Variants in LUC7L3 observed in about 807,000 individuals in gnomAD.
LUC7L3 encodes the protein LUC7 like 3 pre-mRNA splicing factor, also known as luc7-like protein 3.
LUC7L3 carries 6 observed loss-of-function variants against 66.8 expected under a neutral mutation model. The observed-to-expected ratio is 0.09, with a 90% CI of 0.05 to 0.18. The LOEUF (loss-of-function observed/expected upper bound fraction) is 0.18. Among genes scored for constraint, LUC7L3 ranks in the 10% least tolerant of loss-of-function variants. The pLI is 1.00. For missense variants in LUC7L3, 341 were observed against 531.1 expected (o/e 0.64, Z 3.52); for synonymous variants, 160 against 174.7 (o/e 0.92, Z 0.66).
intron 1 of LUC7L3, among the ~76,000 whole-genome samples, chr17:50,728,116 CAAAAAAA>C (rs34210400): frequency 7.8e-6 from 1 of 128,534 alleles, no homozygotes; most frequent in African/African-American, 2.9e-5. Flanking sequence ...AGATCTGTCT[CAAAAAAA>C]AAAAAAAAAA....
Position 50,753,585 on chromosome 17 carries a change from G to T in LUC7L3, c.*2924G>T, listed in dbSNP as rs1971055618. ...AGCAATAGATGAATGGGTTATCTCTGAATTTGTAAGAGATAATTCACATGA... is the reference window on the plus strand; with the variant it reads ...AGCAATAGATGAATGGGTTATCTCTTAATTTGTAAGAGATAATTCACATGA... On this transcript the variant is annotated 3_prime_UTR_variant, in exon 10 of 10. Coordinates refer to ENST00000505658, the MANE Select transcript of LUC7L3 (RefSeq NM_016424.5). The T allele has an allele frequency of 6.6e-6, 1 of 152,152 alleles. No homozygotes were observed. Among genetic ancestry groups the T allele is most frequent in the Admixed American group, 6.6e-5 (1 of 15,266 alleles). The allele number at this position is 152,152 out of a possible 1,614,324, so 9.4% of individuals were successfully genotyped here. A position where few individuals can be genotyped will look rare whatever the true frequency, so the allele number is the denominator to read the frequency against.
chr17:50,743,663 T>C, intron 5 of LUC7L3, 43 bp from the exon 6 acceptor site: 2 of 1,274,102 alleles, frequency 1.6e-6, no homozygotes, highest in Non-Finnish European at 2.3e-6. Flanking sequence ...AATAGTTGGG[T>C]TTGAAAGAAA....
intron 5 of LUC7L3, 81 bp from the exon 6 acceptor site, chr17:50,743,625 C>T: frequency 1.2e-6 from 1 of 818,812 alleles, no homozygotes; most frequent in Non-Finnish European, 2.0e-6. Context: ...TGGAAAACAA[C>T]CACTAATGAA....
intron 1 of LUC7L3, among the ~76,000 whole-genome samples, chr17:50,732,890 C>T (rs1233402240): frequency 2.0e-5 from 3 of 152,100 alleles, no homozygotes; most frequent in Middle Eastern, 3.2e-3. Flanking sequence ...GCATGAGCCC[C>T]GCCAGGTACC....
chr17:50,745,674 T>C, intron 7 of LUC7L3, 46 bp from the exon 8 acceptor site: 1 of 1,481,954 alleles, frequency 6.7e-7, no homozygotes, highest in Non-Finnish European at 9.1e-7. Flanking sequence ...TGTTTAACAA[T>C]GCTTTAAAGT....
chr17:50,740,372 C>A, intron 3 of LUC7L3, 27 bp downstream of exon 3: 2 of 1,586,954 alleles, frequency 1.3e-6, no homozygotes, highest in East Asian at 4.5e-5. Flanking sequence ...GTCATTTCCA[C>A]CCCCCCAGTT....
intron 6 of LUC7L3, 113 bp downstream of exon 6, chr17:50,743,923 T>G: frequency 1.3e-6 from 1 of 758,844 alleles, no homozygotes; most frequent in Non-Finnish European, 2.2e-6. Flanking sequence ...TCAGCACAAT[T>G]TGTAGCCCAC....
In LUC7L3 at chr17:50,736,968, A is replaced by G. The variant is rs367686033; in HGVS notation, c.108A>G (p.Lys36=). ...TTGTTTTTCTTTACTAGGTTTGTAA[A>G]TATTATCTCTGTGGTTTTTGTCCTG... ...NVRWDHESVC[K]YYLCGFCPAE... Residue 36 remains lysine (K), a synonymous_variant, in exon 2 of 10, where the codon AAA becomes AAG. Coordinates refer to ENST00000505658, the MANE Select transcript of LUC7L3 (RefSeq NM_016424.5). 4 of 1,608,496 alleles carry G rather than the reference A, an allele frequency of 2.5e-6. No individual in the cohort carries two copies. In the African/African-American group the frequency reaches 5.3e-5, roughly 22 times the overall value.
rs1228732861 is a variant in LUC7L3, at chr17:50,752,232, G to A, written c.*1571G>A. The A allele has an allele frequency of 5.4e-6, 7 of 1,284,934 alleles. No homozygotes were observed. The highest frequency in any genetic ancestry group is 6.1e-6 in the Non-Finnish European group (6 of 986,472). The allele number at this position is 1,284,934 out of a possible 1,614,324, so 79.6% of individuals were successfully genotyped here. A position where few individuals can be genotyped will look rare whatever the true frequency, so the allele number is the denominator to read the frequency against. ...GTTCGAAGATTTTTGGAAGAATACT[G>A]AGAACGGCATAAAGTGAAGATCGAC... On this transcript the variant is annotated 3_prime_UTR_variant, in exon 10 of 10. Coordinates refer to ENST00000505658, the MANE Select transcript of LUC7L3 (RefSeq NM_016424.5).
chr17:50,737,357 G>GT (rs1970046720), intron 2 of LUC7L3: 1 of 476,324 alleles, frequency 2.1e-6, no homozygotes, highest in Non-Finnish European at 4.2e-6. Flanking sequence ...GGATGGAGGA[G>GT]TAGCAGCAAA....
rs754721016 is a variant in LUC7L3, at chr17:50,739,664, A to G, written c.167-642A>G. On this transcript the variant is annotated intron_variant, in intron 2 of 9. Transcript: ENST00000505658. Reference sequence around the variant, plus strand: ...GCAAGACTCTATCTCAAAAAAAACAAAACAACAACAACAACAACAGAAAAC... The same window carrying G: ...GCAAGACTCTATCTCAAAAAAAACAGAACAACAACAACAACAACAGAAAAC... Among the ~76,000 whole-genome samples the G allele has an allele frequency of 9.2e-4, 140 of 152,188 alleles. 1 individual carries two copies. The highest frequency in any genetic ancestry group is 6.2e-4 in the Non-Finnish European group (42 of 67,996).
At chr17:50,742,926 G>A (rs1970437879) in intron 5 of LUC7L3, among the ~76,000 whole-genome samples, 1 of 152,156 alleles carries the variant, frequency 6.6e-6, no homozygotes, top group Admixed American at 6.5e-5. Context: ...GAGACAATAT[G>A]GGTGGATCTT....
intron 1 of LUC7L3, among the ~76,000 whole-genome samples, chr17:50,730,493 C>T (rs1009672678): frequency 2.1e-5 from 2 of 97,000 alleles, no homozygotes; most frequent in South Asian, 3.5e-4. Flanking sequence ...CCAGCCTGGG[C>T]GACAGTAAGA....
intron 8 of LUC7L3, 22 bp from the exon 9 acceptor site, chr17:50,746,520 C>T (rs1970678742): frequency 1.9e-6 from 3 of 1,604,110 alleles, no homozygotes; most frequent in Non-Finnish European, 1.7e-6. Context: ...CTGAAGTTGC[C>T]TTTTGGTTTT....
intron 1 of LUC7L3, among the ~76,000 whole-genome samples, chr17:50,730,211 A>G (rs1243514812): frequency 6.6e-6 from 1 of 151,950 alleles, no homozygotes; most frequent in Non-Finnish European, 1.5e-5. Flanking sequence ...AGCTTAAGCC[A>G]TCTGCCTGCC....
In LUC7L3 at chr17:50,755,346, T is replaced by C. The variant is rs1030143695; in HGVS notation, c.*4685T>C. 9 of 152,208 alleles carry C rather than the reference T, an allele frequency of 5.9e-5. No homozygotes were observed. The highest frequency in any genetic ancestry group is 1.2e-4 in the Non-Finnish European group (8 of 68,038). The allele number at this position is 152,208 out of a possible 1,614,324, so 9.4% of individuals were successfully genotyped here. The stretch of plus-strand genomic sequence containing the variant: ...AATATAAACATATATGTATAGATCT[T>C]TCAAAATATATGACGGTATACCCGT... On this transcript the variant is annotated 3_prime_UTR_variant, in exon 10 of 10. Transcript: ENST00000505658.
chr17:50,752,352 C>A lies in LUC7L3; in HGVS notation c.*1691C>A, dbSNP rs759205841. ...TTATTATTATTATTAAAAGTTAATT[C>A]AGGACTGATGTGACCTACCAGATTT... On this transcript the variant is annotated 3_prime_UTR_variant, in exon 10 of 10. Transcript: ENST00000505658. 1.3e-5 allele frequency: 8 copies of A among 617,114 alleles called. No individual in the cohort carries two copies. The highest frequency in any genetic ancestry group is 1.9e-5 in the Non-Finnish European group (8 of 428,338). 38.2% of individuals were successfully genotyped at this position (617,114 alleles called of 1,614,324 possible). A position where few individuals can be genotyped will look rare whatever the true frequency, so the allele number is the denominator to read the frequency against.
Position 50,745,757 on chromosome 17 carries a change from A to T in LUC7L3, c.731A>T (p.Asp244Val). The T allele has an allele frequency of 6.3e-7, 1 of 1,594,332 alleles. No homozygotes were observed. The highest frequency in any genetic ancestry group is 8.5e-7 in the Non-Finnish European group (1 of 1,175,016). The stretch of plus-strand genomic sequence containing the variant: ...AAAAGAACCGAAGAACCTGATCGTG[A>T]TGAGCGTCTAAAAAAGGAGAAGCAA... Reference protein sequence around the residue: ...LRKRTEEPDRDERLKKEKQER... With the variant: ...LRKRTEEPDRVERLKKEKQER... The change falls in exon 8 of 10, where the codon GAT becomes GTT. Residue 244 changes from aspartate to valine, a missense_variant. Physicochemically the swap from Asp to Val is radical, Grantham distance 152. Around this residue, in one of 6 missense-constraint regions of LUC7L3, gnomAD observed 210 missense variants for 238.1 expected, o/e 0.88. Transcript: ENST00000505658.
chr17:50,724,726 T>C (rs1449444865), intron 1 of LUC7L3, among the ~76,000 whole-genome samples: 1 of 150,694 alleles, frequency 6.6e-6, no homozygotes, highest in Non-Finnish European at 1.5e-5. Flanking sequence ...TTTTTGCTAA[T>C]ACAGTTCTTC....
Sources: allele counts gnomAD v4.1 joint callset (sites outside exome capture counted in the v4.1 genomes callset), GRCh38; gene constraint gnomAD v4.1.1; regional missense constraint gnomAD v4.1.1; transcripts MANE v1.5; gene names NCBI Gene and HGNC (gene_info 2026-07-23, HGNC 2026-07-21).